Variants in ZNF565 observed in about 807,000 individuals in gnomAD.
The protein encoded by ZNF565 is zinc finger protein 565.
A neutral mutation model predicts 39.4 loss-of-function variants in ZNF565; 27 were observed. That is an observed-to-expected ratio of 0.69 (90% CI 0.51 to 0.95). ZNF565 has a LOEUF of 0.95. Among genes scored for constraint, ZNF565 ranks in the 40% least tolerant of loss-of-function variants. The pLI, the probability that ZNF565 is intolerant of heterozygous loss-of-function variation, is 0.00. For missense variants in ZNF565, 524 were observed against 621.1 expected (o/e 0.84, Z 1.66); for synonymous variants, 185 against 216.6 (o/e 0.85, Z 1.28).
intron 1 of ZNF565, chr19:36,238,240 CT>C (rs1470565270): frequency 6.0e-6 from 1 of 167,076 alleles, no homozygotes; most frequent in East Asian, 1.9e-4. Flanking sequence ...AGTACAATGA[CT>C]TTTTTGTAAA....
intron 1 of ZNF565, among the ~76,000 whole-genome samples, chr19:36,233,080 T>C (rs927853007): frequency 2.6e-5 from 4 of 152,228 alleles, no homozygotes; most frequent in African/African-American, 9.6e-5. Context: ...ATATGTATTT[T>C]CTACCAAGAA....
chr19:36,185,158 T>C (rs1054376805), intron 4 of ZNF565, among the ~76,000 whole-genome samples: 5 of 150,648 alleles, frequency 3.3e-5, no homozygotes, highest in Non-Finnish European at 7.4e-5. Context: ...CTCATGTCTG[T>C]AATCACAGCA....
intron 1 of ZNF565, among the ~76,000 whole-genome samples, chr19:36,240,799 G>A (rs1447230497): frequency 1.3e-5 from 2 of 151,962 alleles, no homozygotes; most frequent in African/African-American, 2.4e-5. Flanking sequence ...AACCCAGGAG[G>A]CAGAGGTTTG....
intron 1 of ZNF565, among the ~76,000 whole-genome samples, chr19:36,211,487 A>AC (rs547315562): frequency 2.2e-3 from 319 of 143,982 alleles, no homozygotes; most frequent in African/African-American, 7.9e-3. Context: ...ACACACACAC[A>AC]ATTCTAATTA....
chr19:36,225,206 C>T (rs1265749236), intron 1 of ZNF565, among the ~76,000 whole-genome samples: 1 of 152,092 alleles, frequency 6.6e-6, no homozygotes, highest in African/African-American at 2.4e-5. Context: ...AGCAGAAAGA[C>T]TGAGGACACT....
intron 1 of ZNF565, among the ~76,000 whole-genome samples, chr19:36,210,669 G>A (rs1428551674): frequency 6.6e-6 from 1 of 150,688 alleles, no homozygotes; most frequent in Non-Finnish European, 1.5e-5. Flanking sequence ...TCATCACCCA[G>A]GCTGGAATGC....
At chr19:36,192,006 CTTTT>C (rs796289244) in intron 4 of ZNF565, among the ~76,000 whole-genome samples, 1 of 140,580 alleles carries the variant, frequency 7.1e-6, no homozygotes, top group African/African-American at 2.6e-5. Context: ...CAGCACCTAT[CTTTT>C]TTTTTTTTTT....
chr19:36,234,319 T>C (rs1977545491), intron 1 of ZNF565, among the ~76,000 whole-genome samples: 1 of 122,966 alleles, frequency 8.1e-6, no homozygotes, highest in Admixed American at 8.1e-5. Flanking sequence ...TGATCTCTCT[T>C]TCTTTTCCCC....
chr19:36,219,744 A>G (rs1019325207), intron 1 of ZNF565, among the ~76,000 whole-genome samples: 4 of 152,146 alleles, frequency 2.6e-5, no homozygotes, highest in Admixed American at 2.0e-4. Context: ...GGTATTGTAA[A>G]GTGATGATTT....
upstream of ZNF565, among the ~76,000 whole-genome samples, chr19:36,215,824 G>A (rs1011299741): frequency 1.3e-5 from 2 of 152,058 alleles, no homozygotes; most frequent in Non-Finnish European, 2.9e-5. Context: ...ATATAACGGC[G>A]CCCAGGATGA....
At chr19:36,230,109 A>G (rs1426576029) in intron 1 of ZNF565, among the ~76,000 whole-genome samples, 3 of 152,230 alleles carry the variant, frequency 2.0e-5, no homozygotes, top group African/African-American at 7.2e-5. Flanking sequence ...ATACTTGTTT[A>G]TATTGCTTTG....
chr19:36,196,482 GT>G (rs1321869928), intron 2 of ZNF565, among the ~76,000 whole-genome samples: 2 of 152,184 alleles, frequency 1.3e-5, no homozygotes, highest in African/African-American at 4.8e-5. Context: ...AATAAGCACA[GT>G]TATATGACTA....
intron 1 of ZNF565, among the ~76,000 whole-genome samples, chr19:36,224,363 C>A (rs1457932297): frequency 6.6e-6 from 1 of 152,102 alleles, no homozygotes; most frequent in Non-Finnish European, 1.5e-5. Flanking sequence ...GCCTGGGCAA[C>A]AAGAGCCAAA....
upstream of ZNF565, among the ~76,000 whole-genome samples, chr19:36,218,760 C>T (rs979428600): frequency 9.2e-5 from 14 of 151,732 alleles, no homozygotes; most frequent in East Asian, 3.9e-4. Context: ...TGAGCCACTG[C>T]GCCCGGCCTA....
In ZNF565 at chr19:36,197,313, A is replaced by C. The variant is rs773988301; in HGVS notation, c.10-2157T>G. The stretch of plus-strand genomic sequence containing the variant: ...CAACAACAACAACAACAAAACCCCC[A>C]AAAAAGAAATTAGCTGGGCATGATG... On this transcript the variant is annotated intron_variant, in intron 2 of 4. Transcript: ENST00000304116. Among the ~76,000 whole-genome samples, 4 of 151,190 alleles carry C rather than the reference A, an allele frequency of 2.6e-5. No homozygotes were observed. In the East Asian group the frequency reaches 7.8e-4, roughly 30 times the overall value.
intron 1 of ZNF565, among the ~76,000 whole-genome samples, chr19:36,212,232 C>T (rs1056750883): frequency 1.3e-5 from 2 of 152,128 alleles, no homozygotes; most frequent in Non-Finnish European, 2.9e-5. Flanking sequence ...ACACTGCAGA[C>T]TCTACAAAAC....
intron 1 of ZNF565, among the ~76,000 whole-genome samples, chr19:36,205,213 C>T (rs954202894): frequency 6.6e-6 from 1 of 151,856 alleles, no homozygotes; most frequent in South Asian, 2.1e-4. Context: ...CATAGTGAGC[C>T]CTCATCTCTA....
At chr19:36,241,802 A>AAAAAAAAAAAAAAAAAAT (rs1555744552) in intron 1 of ZNF565, among the ~76,000 whole-genome samples, 1 of 139,456 alleles carries the variant, frequency 7.2e-6, no homozygotes. Flanking sequence ...AAAAAAAAAA[A>AAAAAAAAAAAAAAAAAAT]AGCTGGGACA....
At chr19:36,185,460 A>G (rs1975259010) in intron 4 of ZNF565, among the ~76,000 whole-genome samples, 1 of 150,978 alleles carries the variant, frequency 6.6e-6, no homozygotes, top group South Asian at 2.1e-4. Flanking sequence ...CATGGCTCAC[A>G]GGGCTCTTGG....
Sources: gnomAD v4.1 joint callset for allele counts (sites outside exome capture counted in the v4.1 genomes callset) on GRCh38, gnomAD v4.1.1 for gene constraint, MANE v1.5 for transcripts, NCBI Gene and HGNC (gene_info 2026-07-23, HGNC 2026-07-21) for gene names.